Variants in CAMK2D observed in about 807,000 individuals in gnomAD.
CAMK2D encodes the protein calcium/calmodulin dependent protein kinase II delta.
CAMK2D carries 37 observed loss-of-function variants against 84.0 expected under a neutral mutation model. That is an observed-to-expected ratio of 0.44 (90% CI 0.34 to 0.58). The LOEUF is 0.58. Among genes scored for constraint, CAMK2D ranks in the 20% least tolerant of loss-of-function variants. The pLI is 0.02. For missense variants in CAMK2D, 448 were observed against 652.5 expected (o/e 0.69, Z 3.41); for synonymous variants, 202 against 212.5 (o/e 0.95, Z 0.43).
At chr4:113,660,957 G>A (rs1259935007) in intron 3 of CAMK2D, among the ~76,000 whole-genome samples, 2 of 150,378 alleles carry the variant, frequency 1.3e-5, no homozygotes, top group East Asian at 1.9e-4. Flanking sequence ...CACCACGCCC[G>A]GATAATTTTT....
Position 113,452,874 on chromosome 4 carries a change from AC to A in CAMK2D, c.*1670del, listed in dbSNP as rs2097267125. Reference sequence around the variant, plus strand: ...TGTAATAATTATCAGAAAAGCTTCAACCCATCTACCATACATCCACTAGCAA... The same window carrying A: ...TGTAATAATTATCAGAAAAGCTTCAACCATCTACCATACATCCACTAGCAA... On this transcript the variant is annotated 3_prime_UTR_variant, in exon 21 of 21. Coordinates refer to ENST00000511664, the MANE Select transcript of CAMK2D (RefSeq NM_001321571.2). 1 of 152,564 alleles carries A rather than the reference AC, an allele frequency of 6.6e-6. No homozygotes were observed. Among genetic ancestry groups the A allele is most frequent in the African/African-American group, 2.4e-5 (1 of 41,426 alleles). 9.5% of individuals were successfully genotyped at this position (152,564 alleles called of 1,614,324 possible). A position where few individuals can be genotyped will look rare whatever the true frequency, so the allele number is the denominator to read the frequency against.
intron 3 of CAMK2D, among the ~76,000 whole-genome samples, chr4:113,652,313 G>C (rs12504043): frequency 0.28 from 42,941 of 152,096 alleles, 6,837 homozygotes; most frequent in South Asian, 0.45. Flanking sequence ...CTTTAGACCA[G>C]AGCCTGATAA....
At chr4:113,516,923 G>T (rs1031929585) in intron 9 of CAMK2D, among the ~76,000 whole-genome samples, 5 of 152,124 alleles carry the variant, frequency 3.3e-5, no homozygotes, top group Admixed American at 1.3e-4. Context: ...ACAAAGTTAA[G>T]CCATAAAGAG....
intron 16 of CAMK2D, among the ~76,000 whole-genome samples, chr4:113,493,910 C>A (rs893946258): frequency 7.9e-5 from 12 of 152,144 alleles, no homozygotes; most frequent in Admixed American, 5.2e-4. Context: ...CCATCACTGA[C>A]ACCCTTTCTT....
intron 4 of CAMK2D, among the ~76,000 whole-genome samples, chr4:113,559,491 C>T (rs545457031): frequency 6.6e-6 from 1 of 152,240 alleles, no homozygotes; most frequent in African/African-American, 2.4e-5. Flanking sequence ...AAATATCTGC[C>T]ATTGGCTCAC....
chr4:113,609,685 A>C (rs1472667404), intron 3 of CAMK2D, among the ~76,000 whole-genome samples: 1 of 152,164 alleles, frequency 6.6e-6, no homozygotes, highest in Non-Finnish European at 1.5e-5. Context: ...AATGATTCCA[A>C]GTCTAGGAAA....
chr4:113,616,920 T>C (rs2099023531), intron 3 of CAMK2D, among the ~76,000 whole-genome samples: 1 of 152,204 alleles, frequency 6.6e-6, no homozygotes, highest in South Asian at 2.1e-4. Flanking sequence ...ATTCTGCTTA[T>C]TTTGTTTTCT....
chr4:113,493,239 G>T (rs182756620), intron 16 of CAMK2D, among the ~76,000 whole-genome samples: 2 of 151,954 alleles, frequency 1.3e-5, no homozygotes, highest in South Asian at 2.1e-4. Flanking sequence ...TCCTAGTCTC[G>T]ATGGTCTTTA....
intron 2 of CAMK2D, among the ~76,000 whole-genome samples, chr4:113,691,853 G>C (rs1281137117): frequency 6.6e-6 from 1 of 152,188 alleles, no homozygotes; most frequent in East Asian, 1.9e-4. Context: ...GGGTGGTGAG[G>C]GAAACTGGCC....
intron 3 of CAMK2D, among the ~76,000 whole-genome samples, chr4:113,628,859 G>T (rs2154283034): frequency 6.6e-6 from 1 of 151,900 alleles, no homozygotes; most frequent in South Asian, 2.1e-4. Flanking sequence ...TAAGTTGAAG[G>T]TTTGGCTGAA....
At chr4:113,575,691 C>T (rs969554619) in intron 4 of CAMK2D, among the ~76,000 whole-genome samples, 10 of 152,208 alleles carry the variant, frequency 6.6e-5, no homozygotes, top group Non-Finnish European at 1.5e-4. Flanking sequence ...GTATCTATGT[C>T]TTTGTCTTTT....
At chr4:113,496,085 A>G (rs967667533) in intron 16 of CAMK2D, among the ~76,000 whole-genome samples, 7 of 152,214 alleles carry the variant, frequency 4.6e-5, no homozygotes, top group African/African-American at 1.7e-4. Flanking sequence ...CTGTGGCTAC[A>G]GCCACAAACC....
intron 3 of CAMK2D, among the ~76,000 whole-genome samples, chr4:113,624,716 T>C (rs891011148): frequency 6.6e-6 from 1 of 152,200 alleles, no homozygotes; most frequent in African/African-American, 2.4e-5. Context: ...AAGGAATAAA[T>C]GGATTGGTGT....
chr4:113,610,193 C>T (rs1220404407), intron 3 of CAMK2D, among the ~76,000 whole-genome samples: 2 of 152,130 alleles, frequency 1.3e-5, no homozygotes, highest in African/African-American at 4.8e-5. Flanking sequence ...TCTTTCTGCT[C>T]CTCTCCCTTT....
At position 113,481,534 on chromosome 4, in the gene CAMK2D, C is replaced by T. The variant is rs371655089; in HGVS notation, c.1136-15930G>A. The stretch of plus-strand genomic sequence containing the variant: ...TCACTCTGCTGCCCAGGCTGGAGTG[C>T]AGTGGTGCCATCTCAGTTCACTGCA... On this transcript the variant is annotated intron_variant, in intron 16 of 20. Coordinates refer to ENST00000511664, the MANE Select transcript of CAMK2D (RefSeq NM_001321571.2). Among the ~76,000 whole-genome samples, 17 of 152,226 alleles carry T rather than the reference C, an allele frequency of 1.1e-4. No homozygotes were observed. In the East Asian group the frequency reaches 3.3e-3, roughly 29 times the overall value.
chr4:113,587,503 G>A (rs1163814735), intron 4 of CAMK2D, among the ~76,000 whole-genome samples: 80 of 152,146 alleles, frequency 5.3e-4, no homozygotes. Context: ...CACTCAAAAG[G>A]AAGAGCAGGG....
At chr4:113,493,808 A>G (rs1393098485) in intron 16 of CAMK2D, among the ~76,000 whole-genome samples, 9 of 151,526 alleles carry the variant, frequency 5.9e-5, no homozygotes, top group Non-Finnish European at 8.9e-5. Context: ...GTCTTTTCAC[A>G]TAGTCCCATA....
rs952102845 is a variant in CAMK2D at position 113,452,311 on chromosome 4, T to C, written c.*2234A>G. The C allele has an allele frequency of 3.9e-5, 6 of 152,200 alleles. No homozygotes were observed. Among genetic ancestry groups the C allele is most frequent in the Non-Finnish European group, 5.9e-5 (4 of 68,042 alleles). The allele number at this position is 152,200 out of a possible 1,614,324, so 9.4% of individuals were successfully genotyped here. On this transcript the variant is annotated 3_prime_UTR_variant, in exon 21 of 21. Coordinates refer to ENST00000511664, the MANE Select transcript of CAMK2D (RefSeq NM_001321571.2). Reference sequence around the variant, plus strand: ...CATTCTCACCAAGTGCAAATTGTTATGTACTAAATGAGACCAGAGTAGGAC... The same window carrying C: ...CATTCTCACCAAGTGCAAATTGTTACGTACTAAATGAGACCAGAGTAGGAC...
intron 4 of CAMK2D, among the ~76,000 whole-genome samples, chr4:113,581,230 C>T (rs987739134): frequency 6.6e-6 from 1 of 152,004 alleles, no homozygotes; most frequent in African/African-American, 2.4e-5. Flanking sequence ...AAAAGAAAGA[C>T]TGGCTGGGTG....
Sources: gnomAD v4.1 joint callset for allele counts (sites outside exome capture counted in the v4.1 genomes callset) on GRCh38, gnomAD v4.1.1 for gene constraint, MANE v1.5 for transcripts, NCBI Gene and HGNC (gene_info 2026-07-23, HGNC 2026-07-21) for gene names.